The following DENND5A variants were observed in gnomAD, a reference collection of about 807,000 sequenced individuals.
DENND5A encodes the protein DENN domain-containing protein 5A.
DENND5A carries 64 observed loss-of-function variants against 140.3 expected under a neutral mutation model. That is an observed-to-expected ratio of 0.46 (90% CI 0.37 to 0.56). The LOEUF (loss-of-function observed/expected upper bound fraction) is 0.56, where lower values mean the gene tolerates loss of function less well. Among genes scored for constraint, DENND5A ranks in the 20% least tolerant of loss-of-function variants. The pLI is 0.00. For missense variants in DENND5A, 1,292 were observed against 1,593.8 expected (o/e 0.81, Z 3.22); for synonymous variants, 605 against 607.7 (o/e 1.00, Z 0.07).
rs541487771 is a variant in DENND5A, at chr11:9,264,197, G to C, written c.109+764C>G. On this transcript the variant is annotated intron_variant, in intron 1 of 22. Coordinates refer to ENST00000328194, the MANE Select transcript of DENND5A (RefSeq NM_015213.4). ...CCTTCTGCAGTGAGTGCCAAATCTG[G>C]TCAGGGCCCCATCTTTGACTCCCCT... 1.1e-4 allele frequency among the ~76,000 whole-genome samples: 16 copies of C among 152,232 alleles called. No homozygotes were observed. The South Asian group carries it at 3.3e-3, about 32-fold the overall frequency.
intron 12 of DENND5A, among the ~76,000 whole-genome samples, chr11:9,152,977 G>A (rs538376726): frequency 1.1e-4 from 16 of 147,240 alleles, no homozygotes; most frequent in Admixed American, 3.4e-4. Flanking sequence ...CAGCCTGGGC[G>A]ACAGGGTGAG....
At chr11:9,215,993 C>T (rs12360767) in intron 1 of DENND5A, among the ~76,000 whole-genome samples, 22,185 of 152,164 alleles carry the variant, frequency 0.15, 2,039 homozygotes, top group Non-Finnish European at 0.21. Flanking sequence ...TAAGCAAACC[C>T]ATTTCTGTAA....
At chr11:9,220,669 G>T (rs1235218664) in intron 1 of DENND5A, among the ~76,000 whole-genome samples, 1 of 152,070 alleles carries the variant, frequency 6.6e-6, no homozygotes, top group Non-Finnish European at 1.5e-5. Context: ...GAGGGGGTTA[G>T]ATTACCTGAG....
chr11:9,201,700 C>A (rs1392109649), intron 4 of DENND5A, among the ~76,000 whole-genome samples: 1 of 151,964 alleles, frequency 6.6e-6, no homozygotes, highest in Admixed American at 6.6e-5. Flanking sequence ...AAGAAAATCA[C>A]CTTTTTGCTA....
In DENND5A at chr11:9,239,692, G is replaced by A. The variant is rs185549985; in HGVS notation, c.109+25269C>T. On this transcript the variant is annotated intron_variant, in intron 1 of 22. Coordinates refer to ENST00000328194, the MANE Select transcript of DENND5A (RefSeq NM_015213.4). ...GCCCAGGCTGGTCTCGAAATCCTGG[G>A]CTCAAGCCATCCTCCTGCCTCTGCC... Among the ~76,000 whole-genome samples the A allele has an allele frequency of 3.8e-3, 572 of 152,144 alleles. 5 individuals are homozygous for A. Among genetic ancestry groups the A allele is most frequent in the African/African-American group, 0.013 (552 of 41,512 alleles).
intron 13 of DENND5A, among the ~76,000 whole-genome samples, chr11:9,151,671 A>G (rs1441175698): frequency 6.6e-6 from 1 of 152,232 alleles, no homozygotes; most frequent in African/African-American, 2.4e-5. Context: ...GATGCACCCA[A>G]GAAGTAAAAG....
intron 4 of DENND5A, 55 bp from the exon 5 acceptor site, chr11:9,193,736 C>T (rs1487207513): frequency 1.9e-5 from 28 of 1,459,878 alleles, no homozygotes; most frequent in East Asian, 1.4e-4. Flanking sequence ...AAACAAGGCA[C>T]TTGCTTTCCA....
intron 13 of DENND5A, among the ~76,000 whole-genome samples, chr11:9,150,999 T>A (rs756951507): frequency 2.0e-5 from 3 of 152,340 alleles, no homozygotes; most frequent in Admixed American, 2.0e-4. Flanking sequence ...AAAAAAGATA[T>A]CACAATTTCC....
In DENND5A at chr11:9,139,464, C is replaced by T. The variant is rs1368379305; in HGVS notation, c.*207G>A. 1 of 575,614 alleles carries T rather than the reference C, an allele frequency of 1.7e-6. No homozygotes were observed. Among genetic ancestry groups the T allele is most frequent in the Non-Finnish European group, 3.0e-6 (1 of 328,412 alleles). 35.7% of individuals were successfully genotyped at this position (575,614 alleles called of 1,614,324 possible). A position where few individuals can be genotyped will look rare whatever the true frequency, so the allele number is the denominator to read the frequency against. On this transcript the variant is annotated 3_prime_UTR_variant, in exon 23 of 23. Coordinates refer to ENST00000328194, the MANE Select transcript of DENND5A (RefSeq NM_015213.4). ...CCAGCCTCGCTCCCTCTCCCTATCA[C>T]TCTTTCACATGAAAGTGTGTAAAAA... is the stretch of plus-strand genomic sequence containing the variant.
chr11:9,259,129 A>T (rs1419570381), intron 1 of DENND5A, among the ~76,000 whole-genome samples: 1 of 151,926 alleles, frequency 6.6e-6, no homozygotes, highest in Non-Finnish European at 1.5e-5. Flanking sequence ...GCATGGTGGC[A>T]CATGCCTGTA....
intron 4 of DENND5A, 126 bp downstream of exon 4, chr11:9,203,534 G>T: frequency 8.9e-7 from 1 of 1,125,724 alleles, no homozygotes; most frequent in Non-Finnish European, 1.2e-6. Flanking sequence ...CCACCTACCT[G>T]CAAAAGATCT....
At chr11:9,150,035 C>T in intron 15 of DENND5A, 46 bp downstream of exon 15, 2 of 1,577,564 alleles carry the variant, frequency 1.3e-6, no homozygotes, top group Non-Finnish European at 1.7e-6. Flanking sequence ...AATCTCTTCC[C>T]TCCATTCCTG....
At chr11:9,186,076 G>GT (rs1197629633) in intron 5 of DENND5A, among the ~76,000 whole-genome samples, 2 of 152,192 alleles carry the variant, frequency 1.3e-5, no homozygotes, top group African/African-American at 2.4e-5. Flanking sequence ...GTCCATGTGT[G>GT]TATCATTCAA....
chr11:9,188,867 T>C (rs767952629), intron 5 of DENND5A, among the ~76,000 whole-genome samples: 1 of 152,140 alleles, frequency 6.6e-6, no homozygotes, highest in Non-Finnish European at 1.5e-5. Context: ...GACAATGCAA[T>C]AGAAAAGAAA....
chr11:9,259,899 C>G (rs1243367767), intron 1 of DENND5A, among the ~76,000 whole-genome samples: 1 of 151,774 alleles, frequency 6.6e-6, no homozygotes, highest in African/African-American at 2.4e-5. Flanking sequence ...TGTGCTAGTG[C>G]ACACCTGTGG....
intron 1 of DENND5A, among the ~76,000 whole-genome samples, chr11:9,215,550 C>CTTTTTT (rs10655528): frequency 7.1e-6 from 1 of 140,524 alleles, no homozygotes; most frequent in African/African-American, 2.7e-5. Flanking sequence ...ATCCTGTGTT[C>CTTTTTT]TTTTTTTTTT....
chr11:9,199,773 A>G (rs1849464583), intron 4 of DENND5A, among the ~76,000 whole-genome samples: 1 of 152,222 alleles, frequency 6.6e-6, no homozygotes, highest in Admixed American at 6.5e-5. Context: ...CAGTGGTGAT[A>G]GCTTGTTTTT....
chr11:9,180,849 T>G lies in DENND5A; in HGVS notation c.1373A>C (p.His458Pro), dbSNP rs1474565948. The stretch of plus-strand genomic sequence containing the variant: ...ATTCTCCTTAAGAAGCTCGTAGGAA[T>G]GCAAAGGGGAGCCAGCAATGTTCCC... ...RNGNIAGSPL[H>P]SYELLKENET... The change falls in exon 6 of 23, where the codon CAT becomes CCT. Residue 458 changes from histidine to proline, a missense_variant. Physicochemically the swap from His to Pro is moderately conservative, Grantham distance 77. Coordinates refer to ENST00000328194, the MANE Select transcript of DENND5A (RefSeq NM_015213.4). 6.2e-7 allele frequency: 1 copy of G among 1,614,204 alleles called. No homozygotes were observed. The highest frequency in any genetic ancestry group is 8.5e-7 in the Non-Finnish European group (1 of 1,180,034).
intron 1 of DENND5A, among the ~76,000 whole-genome samples, chr11:9,236,214 C>T (rs1283177835): frequency 7.8e-6 from 1 of 128,954 alleles, no homozygotes; most frequent in East Asian, 2.4e-4. Flanking sequence ...CAGAGGGAGA[C>T]CCTGTCTCAA....
Sources: allele counts gnomAD v4.1 joint callset (sites outside exome capture counted in the v4.1 genomes callset), GRCh38; gene constraint gnomAD v4.1.1; transcripts MANE v1.5; gene names NCBI Gene and HGNC (gene_info 2026-07-23, HGNC 2026-07-21).